ARL15: variants seen among roughly 807,000 people sequenced by gnomAD.
ARL15 encodes ADP-ribosylation factor-like protein 15.
Under a neutral mutation model 25.2 loss-of-function variants are expected in ARL15, and 19 were observed. That is an observed-to-expected ratio of 0.75 (90% CI 0.53 to 1.10). The LOEUF (loss-of-function observed/expected upper bound fraction) is 1.10. Among genes scored for constraint, ARL15 ranks in the 50% least tolerant of loss-of-function variants. The probability of loss-of-function intolerance (pLI) is 0.00; values close to 1 mark genes in which losing one functional copy is unlikely to be tolerated. For missense variants in ARL15, 220 were observed against 246.0 expected (o/e 0.89, Z 0.71); for synonymous variants, 94 against 86.8 (o/e 1.08, Z -0.46).
At chr5:54,098,338 A>G (rs1752344747) in intron 4 of ARL15, among the ~76,000 whole-genome samples, 2 of 152,138 alleles carry the variant, frequency 1.3e-5, no homozygotes, top group African/African-American at 2.4e-5. Flanking sequence ...TGGGCTAACA[A>G]GTCTTTTTCA....
At chr5:53,918,157 G>T (rs1043703507) in intron 4 of ARL15, among the ~76,000 whole-genome samples, 8 of 152,182 alleles carry the variant, frequency 5.3e-5, no homozygotes, top group Non-Finnish European at 1.0e-4. Context: ...GGAAAATATA[G>T]AAAACCAATT....
Position 53,886,335 on chromosome 5 carries a change from A to T in ARL15, c.*226T>A, listed in dbSNP as rs1394988411. ...ACATGCGGGGAAGATAATTAGTGGTAAACAGAGAATAAATTCTCTCTCAGT... is the reference window on the plus strand; with the variant it reads ...ACATGCGGGGAAGATAATTAGTGGTTAACAGAGAATAAATTCTCTCTCAGT... On this transcript the variant is annotated 3_prime_UTR_variant, in exon 5 of 5. Coordinates refer to ENST00000504924, the MANE Select transcript of ARL15 (RefSeq NM_019087.3). 1 of 477,640 alleles carries T rather than the reference A, an allele frequency of 2.1e-6. No individual in the cohort carries two copies. Among genetic ancestry groups the T allele is most frequent in the Non-Finnish European group, 3.7e-6 (1 of 272,498 alleles). The allele number at this position is 477,640 out of a possible 1,614,324, so 29.6% of individuals were successfully genotyped here. A position where few individuals can be genotyped will look rare whatever the true frequency, so the allele number is the denominator to read the frequency against.
intron 4 of ARL15, among the ~76,000 whole-genome samples, chr5:54,032,221 G>GT (rs1429875223): frequency 1.3e-5 from 2 of 151,620 alleles, no homozygotes; most frequent in Non-Finnish European, 2.9e-5. Flanking sequence ...TTATTCATGG[G>GT]TTTTTTTATT....
chr5:54,091,967 G>A (rs1752140894), intron 4 of ARL15, among the ~76,000 whole-genome samples: 2 of 151,810 alleles, frequency 1.3e-5, no homozygotes, highest in African/African-American at 4.8e-5. Context: ...GACATCCCAA[G>A]TCAAATGCAT....
At chr5:54,070,921 C>T (rs570656210) in intron 4 of ARL15, among the ~76,000 whole-genome samples, 3 of 152,134 alleles carry the variant, frequency 2.0e-5, no homozygotes, top group South Asian at 2.1e-4. Flanking sequence ...GTAATCCCAG[C>T]GCTTTGGGAG....
At chr5:54,227,510 C>T (rs988559444) in intron 1 of ARL15, among the ~76,000 whole-genome samples, 1 of 152,222 alleles carries the variant, frequency 6.6e-6, no homozygotes, top group South Asian at 2.1e-4. Context: ...AACGCTGAGT[C>T]TGGCAGAAAC....
At chr5:54,015,275 A>G (rs1402666833) in intron 4 of ARL15, among the ~76,000 whole-genome samples, 3 of 147,630 alleles carry the variant, frequency 2.0e-5, no homozygotes, top group Non-Finnish European at 4.5e-5. Flanking sequence ...CTAGGTAACA[A>G]TAGCGAAACT....
intron 1 of ARL15, among the ~76,000 whole-genome samples, chr5:54,192,587 T>C (rs1755436994): frequency 6.9e-6 from 1 of 145,304 alleles, no homozygotes; most frequent in Non-Finnish European, 1.5e-5. Context: ...CTTATACTTT[T>C]ATGTGACTCC....
intron 4 of ARL15, among the ~76,000 whole-genome samples, chr5:53,969,391 A>G (rs1747665706): frequency 6.6e-6 from 1 of 152,174 alleles, no homozygotes; most frequent in Non-Finnish European, 1.5e-5. Context: ...AACTTCAACT[A>G]CTTTCCTCTT....
chr5:54,105,501 T>A (rs1263278788), intron 4 of ARL15, among the ~76,000 whole-genome samples: 1 of 152,198 alleles, frequency 6.6e-6, no homozygotes, highest in Non-Finnish European at 1.5e-5. Context: ...GCATACAAAG[T>A]ATTAAATATA....
At chr5:54,262,294 C>G (rs1408761961) in intron 1 of ARL15, among the ~76,000 whole-genome samples, 1 of 152,102 alleles carries the variant, frequency 6.6e-6, no homozygotes, top group African/African-American at 2.4e-5. Flanking sequence ...GAATTGGGAG[C>G]AGAATAGTGA....
intron 4 of ARL15, among the ~76,000 whole-genome samples, chr5:54,034,883 G>A (rs752791045): frequency 1.3e-5 from 2 of 151,180 alleles, no homozygotes; most frequent in South Asian, 2.1e-4. Flanking sequence ...TTGACAGGCC[G>A]GTCTTGAACT....
chr5:54,178,200 C>A (rs1163986049), intron 1 of ARL15, among the ~76,000 whole-genome samples: 1 of 152,212 alleles, frequency 6.6e-6, no homozygotes, highest in Non-Finnish European at 1.5e-5. Flanking sequence ...GTGTTTCCTA[C>A]CATCCTGTTT....
At chr5:54,238,345 C>A (rs1406371946) in intron 1 of ARL15, among the ~76,000 whole-genome samples, 1 of 152,162 alleles carries the variant, frequency 6.6e-6, no homozygotes, top group Non-Finnish European at 1.5e-5. Flanking sequence ...TAGCCTAAAC[C>A]TGGCCCTAAT....
intron 1 of ARL15, among the ~76,000 whole-genome samples, chr5:54,206,576 CTG>C (rs1364316462): frequency 6.6e-6 from 1 of 152,094 alleles, no homozygotes; most frequent in African/African-American, 2.4e-5. Flanking sequence ...GGAAAACCCT[CTG>C]TGGGGGATAA....
At chr5:53,971,182 A>T (rs1190914738) in intron 4 of ARL15, among the ~76,000 whole-genome samples, 5 of 152,220 alleles carry the variant, frequency 3.3e-5, no homozygotes, top group African/African-American at 1.2e-4. Context: ...CTCGATTTTT[A>T]AATTATAACA....
chr5:54,119,163 T>C (rs1166518793), intron 3 of ARL15, among the ~76,000 whole-genome samples: 1 of 152,142 alleles, frequency 6.6e-6, no homozygotes, highest in Non-Finnish European at 1.5e-5. Flanking sequence ...TACTCATACT[T>C]GTCACTATGG....
intron 2 of ARL15, among the ~76,000 whole-genome samples, chr5:54,155,703 C>CACAT (rs1554044085): frequency 6.6e-6 from 1 of 151,552 alleles, no homozygotes; most frequent in African/African-American, 2.4e-5. Flanking sequence ...CACACACACA[C>CACAT]GCACACACAC....
At chr5:53,930,654 G>A (rs1746169060) in intron 4 of ARL15, among the ~76,000 whole-genome samples, 1 of 152,052 alleles carries the variant, frequency 6.6e-6, no homozygotes, top group Non-Finnish European at 1.5e-5. Context: ...TTCGGTGGTC[G>A]ATTCACGCAC....
Sources: gnomAD v4.1 joint callset for allele counts (sites outside exome capture counted in the v4.1 genomes callset) on GRCh38, gnomAD v4.1.1 for gene constraint, MANE v1.5 for transcripts, NCBI Gene and HGNC (gene_info 2026-07-23, HGNC 2026-07-21) for gene names.